The following MINDY1 variants were observed in gnomAD, a reference collection of about 807,000 sequenced individuals.
MINDY1 encodes the protein MINDY lysine 48 deubiquitinase 1, also known as ubiquitin carboxyl-terminal hydrolase MINDY-1.
Under a neutral mutation model 53.6 loss-of-function variants are expected in MINDY1, and 50 were observed. That is an observed-to-expected ratio of 0.93 (90% CI 0.74 to 1.18). The LOEUF (loss-of-function observed/expected upper bound fraction) is 1.18, where lower values mean the gene tolerates loss of function less well. MINDY1 is among the 50% of genes most tolerant of loss of function. The pLI, the probability that MINDY1 is intolerant of heterozygous loss-of-function variation, is 0.00. For missense variants in MINDY1, 484 were observed against 578.6 expected, an observed-to-expected ratio of 0.84 and a Z score of 1.68; for synonymous variants, 231 against 234.7, an observed-to-expected ratio of 0.98 and a Z score of 0.14.
rs1428351158 is a variant in MINDY1 at position 150,999,442 on chromosome 1, G to A, written c.908C>T (p.Thr303Ile). 18 of 1,614,168 alleles carry A rather than the reference G, an allele frequency of 1.1e-5. No individual in the cohort carries two copies. The highest frequency in any genetic ancestry group is 4.5e-5 in the East Asian group (2 of 44,880). Residue 303 changes from threonine (T) to isoleucine (I), a missense_variant, in exon 7 of 10, where the codon ACA becomes ATA. Transcript: ENST00000683666. The surrounding 1 kb of genome is among the most constrained non-coding windows in gnomAD (Gnocchi z 4.4). ...AAGTTCACCCTCCTTAGCAGCTGCT[G>A]TCAGCTCACACAGTCCGTGGTAGGT... The part of the protein sequence containing the change: ...QLTYHGLCEL[T>I]AAAKEGELSV...
intron 1 of MINDY1, among the ~76,000 whole-genome samples, chr1:151,003,506 G>A (rs1408191800): frequency 1.3e-5 from 2 of 151,772 alleles, no homozygotes; most frequent in Non-Finnish European, 2.9e-5. Context: ...TCAGATTAGG[G>A]GCACAAAAAG....
At position 151,000,521 on chromosome 1, in the gene MINDY1, G is replaced by A; in HGVS notation, c.671C>T (p.Pro224Leu). The A allele has an allele frequency of 1.2e-6, 2 of 1,614,058 alleles. No individual in the cohort carries two copies. The highest frequency in any genetic ancestry group is 1.7e-6 in the Non-Finnish European group (2 of 1,180,018). The change falls in exon 5 of 10, where the codon CCC becomes CTC. Residue 224 changes from proline (P) to leucine (L), a missense_variant. Pro to Leu is a moderately conservative substitution (Grantham distance 98). Coordinates refer to ENST00000683666, the MANE Select transcript of MINDY1 (RefSeq NM_001376665.1). ...TAGCAGGTCAAAGACACTGCACTCGGGTGTATACTCAAAATCAGAGACGCC... is the reference window on the plus strand; with the variant it reads ...TAGCAGGTCAAAGACACTGCACTCGAGTGTATACTCAAAATCAGAGACGCC... ...FTGVSDFEYT[P>L]ECSVFDLLGI...
chr1:150,999,972 GGTA>G lies in MINDY1; in HGVS notation c.736-11_736-9del. 1 of 1,607,264 alleles carries G rather than the reference GGTA, an allele frequency of 6.2e-7. No homozygotes were observed. The highest frequency in any genetic ancestry group is 8.5e-7 in the Non-Finnish European group (1 of 1,176,390). On this transcript the variant is annotated splice_polypyrimidine_tract_variant and intron_variant, in intron 5 of 9. Transcript: ENST00000683666. This position sits in a 1 kb window ranked among gnomAD's most constrained non-coding sequence, Gnocchi z 4.4. ...ACGCACAGCCTCAGGACTCTGCTTG[GGTA>G]GTGGGATGTGGGATACCAAAAAAAT...
At position 151,002,027 on chromosome 1, in the gene MINDY1, A is replaced by T; in HGVS notation, c.453+138T>A. On this transcript the variant is annotated intron_variant, in intron 2 of 9. Transcript: ENST00000683666. This position sits in a 1 kb window ranked among gnomAD's most constrained non-coding sequence, Gnocchi z 4.1. Reference sequence around the variant, plus strand: ...TTTGTTTTTAGGAACATCTTATCTCATTTGCTCAAGCTGGAGAAATAGGGA... The same window carrying T: ...TTTGTTTTTAGGAACATCTTATCTCTTTTGCTCAAGCTGGAGAAATAGGGA... The T allele has an allele frequency of 4.2e-6, 4 of 944,306 alleles. No individual in the cohort carries two copies. The highest frequency in any genetic ancestry group is 6.2e-6 in the Non-Finnish European group (4 of 641,492). 58.5% of individuals were successfully genotyped at this position (944,306 alleles called of 1,614,324 possible). A position where few individuals can be genotyped will look rare whatever the true frequency, so the allele number is the denominator to read the frequency against.
intron 1 of MINDY1, among the ~76,000 whole-genome samples, chr1:151,004,991 A>G (rs995115767): frequency 6.6e-6 from 1 of 152,172 alleles, no homozygotes; most frequent in Non-Finnish European, 1.5e-5. Context: ...CTAGCTGCAT[A>G]TCATTTACGT....
chr1:151,002,969 C>T lies in MINDY1; in HGVS notation c.-89-263G>A. 7.9e-7 allele frequency: 1 copy of T among 1,262,672 alleles called. No homozygotes were observed. The highest frequency in any genetic ancestry group is 2.1e-5 in the South Asian group (1 of 47,464). The allele number at this position is 1,262,672 out of a possible 1,614,324, so 78.2% of individuals were successfully genotyped here. ...GAACACATGGGTGGAGTCAGCTTCC[C>T]TGAAACAGATCATGACAGGGAAGGG... On this transcript the variant is annotated intron_variant, in intron 1 of 9. Coordinates refer to ENST00000683666, the MANE Select transcript of MINDY1 (RefSeq NM_001376665.1). The surrounding 1 kb of genome is among the most constrained non-coding windows in gnomAD (Gnocchi z 4.1).
Position 150,999,385 on chromosome 1 carries a change from G to A in MINDY1, c.965C>T (p.Thr322Ile), listed in dbSNP as rs587631784. The change falls in exon 7 of 10, where the codon ACC becomes ATC. Residue 322 changes from threonine (T) to isoleucine (I), a missense_variant. By Grantham distance (89) the Thr-to-Ile change is moderately conservative. Coordinates refer to ENST00000683666, the MANE Select transcript of MINDY1 (RefSeq NM_001376665.1). The surrounding 1 kb of genome is among the most constrained non-coding windows in gnomAD (Gnocchi z 4.4). ...TCGCATTACCTTATGCTTAGTCATGGTGCTAAAGTGGTTGTTTCGGAAAAA... is the reference window on the plus strand; with the variant it reads ...TCGCATTACCTTATGCTTAGTCATGATGCTAAAGTGGTTGTTTCGGAAAAA... ...SVFFRNNHFS[T>I]MTKHKSHLYL... 1.9e-6 allele frequency: 3 copies of A among 1,614,140 alleles called. No individual in the cohort carries two copies. Among genetic ancestry groups the A allele is most frequent in the Non-Finnish European group, 2.5e-6 (3 of 1,180,030 alleles).
chr1:150,997,882 C>CT, intron 8 of MINDY1, 103 bp from the exon 9 acceptor site: 2 of 1,325,292 alleles, frequency 1.5e-6, no homozygotes, highest in Non-Finnish European at 2.1e-6. Flanking sequence ...TTCTCTAGCT[C>CT]TTTCTCCCCA....
At chr1:151,004,496 G>C (rs896155543) in intron 1 of MINDY1, among the ~76,000 whole-genome samples, 1 of 152,054 alleles carries the variant, frequency 6.6e-6, no homozygotes, top group African/African-American at 2.4e-5. Context: ...TTGAGAGGCT[G>C]AGGCGGGCAG....
upstream of MINDY1, chr1:151,008,321 CGG>C (rs1156710789): frequency 2.2e-5 from 29 of 1,311,374 alleles, no homozygotes; most frequent in Non-Finnish European, 2.6e-5. Context: ...TGCGGAGTTG[CGG>C]GACTACGTTT....
At chr1:151,005,964 C>T in intron 1 of MINDY1, 1 of 1,154,688 alleles carries the variant, frequency 8.7e-7, no homozygotes, top group East Asian at 2.8e-5. Flanking sequence ...GACACTCCTT[C>T]TCTGTAGGAA....
intron 5 of MINDY1, 94 bp downstream of exon 5, chr1:151,000,363 A>G: frequency 7.6e-7 from 1 of 1,319,862 alleles, no homozygotes; most frequent in South Asian, 1.5e-5. Flanking sequence ...AAGCCAATCT[A>G]ACCCCTAACT....
At position 151,001,765 on chromosome 1, in the gene MINDY1, C is replaced by T. The variant is rs141034063; in HGVS notation, c.471G>A (p.Gln157=). 1.1e-5 allele frequency: 17 copies of T among 1,599,974 alleles called. No homozygotes were observed. Among genetic ancestry groups the T allele is most frequent in the Non-Finnish European group, 1.4e-5 (17 of 1,175,846 alleles). Residue 157 remains glutamine, a synonymous_variant, in exon 3 of 10, where the codon CAG becomes CAA. Transcript: ENST00000683666. Reference sequence around the variant, plus strand: ...GCTCATCCGATGTGATCACTTCCTTCTGCGGGGGGAGCTTCACCTGGAGGC... The same window carrying T: ...GCTCATCCGATGTGATCACTTCCTTTTGCGGGGGGAGCTTCACCTGGAGGC... ...FLQWKVKLPP[Q]KEVITSDELM...
intron 7 of MINDY1, among the ~76,000 whole-genome samples, chr1:150,998,651 C>T (rs587669883): frequency 2.0e-5 from 3 of 152,286 alleles, no homozygotes; most frequent in East Asian, 1.9e-4. Context: ...CCACCGCACC[C>T]GGACCCTGAG....
intron 1 of MINDY1, among the ~76,000 whole-genome samples, chr1:151,004,731 AAAAATAAAATAAAAT>A (rs139261422): frequency 0.68 from 92,366 of 136,380 alleles, 31,868 homozygotes; most frequent in Non-Finnish European, 0.74. Context: ...ACTCCATCTC[AAAAATAAAATAAAAT>A]AAAATAAAAT....
rs587703486 is a variant in MINDY1 at position 150,997,891 on chromosome 1, C to T, written c.1174-112G>A. On this transcript the variant is annotated intron_variant, in intron 8 of 9. Transcript: ENST00000683666. The stretch of plus-strand genomic sequence containing the variant: ...CTCAAATTCTCTAGCTCTTTCTCCC[C>T]ACAGAGCAGCACACACAGCCAAATG... 4.9e-6 allele frequency: 6 copies of T among 1,236,654 alleles called. No individual in the cohort carries two copies. The East Asian group carries it at 1.2e-4, about 26-fold the overall frequency. The allele number at this position is 1,236,654 out of a possible 1,614,324, so 76.6% of individuals were successfully genotyped here. A position where few individuals can be genotyped will look rare whatever the true frequency, so the allele number is the denominator to read the frequency against.
chr1:150,999,337 A>G lies in MINDY1; in HGVS notation c.981+32T>C. 6.2e-7 allele frequency: 1 copy of G among 1,612,618 alleles called. No individual in the cohort carries two copies. The highest frequency in any genetic ancestry group is 8.5e-7 in the Non-Finnish European group (1 of 1,178,922). ...GAAAAAGGCACCAGGAAATGACAGC[A>G]CCGCAGCACGCCACCCCCAAACTCG... is the stretch of plus-strand genomic sequence containing the variant. On this transcript the variant is annotated intron_variant, in intron 7 of 9. Transcript: ENST00000683666. This position sits in a 1 kb window ranked among gnomAD's most constrained non-coding sequence, Gnocchi z 4.4.
At chr1:151,006,242 C>A in intron 1 of MINDY1, 70 bp downstream of exon 1, 1 of 1,510,572 alleles carries the variant, frequency 6.6e-7, no homozygotes, top group Non-Finnish European at 8.9e-7. Context: ...TGTCAGCTCC[C>A]CAAAGCTGGA....
rs950132221 is a variant in MINDY1, at chr1:151,006,264, G to A, written c.-90+48C>T. 180 of 1,488,588 alleles carry A rather than the reference G, an allele frequency of 1.2e-4. No individual in the cohort carries two copies. In the Middle Eastern group the frequency reaches 1.2e-3, roughly 10 times the overall value. The allele number at this position is 1,488,588 out of a possible 1,614,324, so 92.2% of individuals were successfully genotyped here. ...TCCCCAAAGCTGGAGAGGAAATAGA[G>A]AAGGGTGGGAGAAGAGGTGAAGAAG... is the stretch of plus-strand genomic sequence containing the variant. On this transcript the variant is annotated intron_variant, in intron 1 of 9. Transcript: ENST00000683666.
Sources: allele counts gnomAD v4.1 joint callset (sites outside exome capture counted in the v4.1 genomes callset), GRCh38; gene constraint gnomAD v4.1.1; non-coding constraint Gnocchi (gnomAD v3.1); transcripts MANE v1.5; gene names NCBI Gene and HGNC (gene_info 2026-07-23, HGNC 2026-07-21).